The following ANKRD30BL variants were observed in gnomAD, a reference collection of about 807,000 sequenced individuals.
The protein encoded by ANKRD30BL is ankyrin repeat domain 30B like.
In ANKRD30BL, 20 loss-of-function variants were observed where a neutral mutation model predicts 18.4. The ratio of observed to expected loss-of-function variants is 1.09; its 90% confidence interval spans 0.77 to 1.58. The LOEUF is 1.58. Among genes scored for constraint, ANKRD30BL ranks in the 40% most tolerant of loss-of-function variants. The pLI is 0.00. For missense variants in ANKRD30BL, 224 were observed against 268.6 expected, an observed-to-expected ratio of 0.83 and a Z score of 1.16; for synonymous variants, 72 against 100.9, an observed-to-expected ratio of 0.71 and a Z score of 1.72.
chr2:132,253,839 G>C (rs527360800), intron 1 of ANKRD30BL, among the ~76,000 whole-genome samples: 1 of 152,060 alleles, frequency 6.6e-6, no homozygotes, highest in Non-Finnish European at 1.5e-5. Flanking sequence ...CCCTACCCTC[G>C]AGACCCCCTA....
intron 1 of ANKRD30BL, among the ~76,000 whole-genome samples, chr2:132,190,230 T>G (rs1342194534): frequency 6.6e-6 from 1 of 152,112 alleles, no homozygotes; most frequent in African/African-American, 2.4e-5. Context: ...ACATAAGAAC[T>G]CCTTGAAAAA....
intron 1 of ANKRD30BL, among the ~76,000 whole-genome samples, chr2:132,233,864 C>G (rs1015655632): frequency 1.5e-4 from 23 of 151,750 alleles, no homozygotes; most frequent in African/African-American, 5.6e-4. Context: ...ACTCTCCACC[C>G]CAAATCAACA....
chr2:132,254,929 C>G (rs1680781718), intron 1 of ANKRD30BL, among the ~76,000 whole-genome samples: 1 of 152,182 alleles, frequency 6.6e-6, no homozygotes, highest in Non-Finnish European at 1.5e-5. Context: ...CTGTCCGTGT[C>G]CAGGCTGGGT....
At chr2:132,239,797 A>G (rs796362988) in intron 1 of ANKRD30BL, among the ~76,000 whole-genome samples, 1 of 151,852 alleles carries the variant, frequency 6.6e-6, no homozygotes, top group Non-Finnish European at 1.5e-5. Context: ...CCTAGGGTGA[A>G]AAAGGAAATA....
chr2:132,164,681 A>G (rs573080686), upstream of ANKRD30BL, among the ~76,000 whole-genome samples: 1 of 152,328 alleles, frequency 6.6e-6, no homozygotes, highest in East Asian at 1.9e-4. Flanking sequence ...TAGATTTTCT[A>G]TCACATTCTG....
At chr2:132,212,302 C>G (rs2315186) in intron 1 of ANKRD30BL, among the ~76,000 whole-genome samples, 10 of 151,118 alleles carry the variant, frequency 6.6e-5, no homozygotes, top group African/African-American at 2.4e-4. Flanking sequence ...AAATATTTTC[C>G]TATTATAATT....
At chr2:132,148,659 C>A (rs1165749714) in intron 5 of ANKRD30BL, among the ~76,000 whole-genome samples, 1 of 152,016 alleles carries the variant, frequency 6.6e-6, no homozygotes, top group South Asian at 2.1e-4. Context: ...AGTGAGCCAC[C>A]GCTCCTGGAC....
intron 1 of ANKRD30BL, among the ~76,000 whole-genome samples, chr2:132,188,559 A>C (rs991233063): frequency 2.6e-5 from 4 of 152,074 alleles, no homozygotes; most frequent in African/African-American, 9.7e-5. Context: ...AAATACAAAA[A>C]ATTAGCCGGG....
chr2:132,203,382 A>C (rs1679147154), intron 1 of ANKRD30BL, among the ~76,000 whole-genome samples: 1 of 152,230 alleles, frequency 6.6e-6, no homozygotes, highest in Non-Finnish European at 1.5e-5. Context: ...ATAACTAGGG[A>C]GGTAAGCTTG....
chr2:132,231,705 C>T (rs1170924004), intron 1 of ANKRD30BL, among the ~76,000 whole-genome samples: 1 of 152,168 alleles, frequency 6.6e-6, no homozygotes, highest in East Asian at 1.9e-4. Context: ...CGGAGTCTCG[C>T]TGATTGCTAG....
Position 132,161,742 on chromosome 2 carries a change from C to T in ANKRD30BL, c.-37G>A, listed in dbSNP as rs1210714453. 4 of 984,126 alleles carry T rather than the reference C, an allele frequency of 4.1e-6. No individual in the cohort carries two copies. Among genetic ancestry groups the T allele is most frequent in the African/African-American group, 3.2e-5 (2 of 61,944 alleles). The allele number at this position is 984,126 out of a possible 1,614,324, so 61.0% of individuals were successfully genotyped here. A position where few individuals can be genotyped will look rare whatever the true frequency, so the allele number is the denominator to read the frequency against. On this transcript the variant is annotated 5_prime_UTR_variant, in exon 1 of 6. Coordinates refer to ENST00000409867, the MANE Select transcript of ANKRD30BL (RefSeq NM_001358416.1). ...CCTGCTAGAGAGAGCCCGTGCCTCC[C>T]GCTGCTCGCCCTTCCCCAGTCCCCG...
At chr2:132,242,234 T>C (rs1573884272) in intron 1 of ANKRD30BL, among the ~76,000 whole-genome samples, 1 of 151,880 alleles carries the variant, frequency 6.6e-6, no homozygotes, top group African/African-American at 2.4e-5. Flanking sequence ...TCTCAGAAAC[T>C]ACTTTGTGAG....
At chr2:132,182,041 G>A (rs1688473893) in intron 1 of ANKRD30BL, among the ~76,000 whole-genome samples, 1 of 151,644 alleles carries the variant, frequency 6.6e-6, no homozygotes, top group East Asian at 1.9e-4. Context: ...AACCCGGGAG[G>A]TGGAGGAGGT....
intron 1 of ANKRD30BL, among the ~76,000 whole-genome samples, chr2:132,175,170 A>G (rs1224029082): frequency 1.3e-5 from 2 of 150,592 alleles, no homozygotes; most frequent in South Asian, 2.1e-4. Context: ...GACGTGCACC[A>G]GCACCGGACT....
intron 1 of ANKRD30BL, among the ~76,000 whole-genome samples, chr2:132,238,700 G>A (rs1320455222): frequency 6.6e-6 from 1 of 151,770 alleles, no homozygotes; most frequent in African/African-American, 2.4e-5. Context: ...CCTTTCTTTT[G>A]ATAGAGCAGT....
intron 1 of ANKRD30BL, among the ~76,000 whole-genome samples, chr2:132,243,774 A>T (rs77263973): frequency 6.6e-6 from 1 of 151,698 alleles, no homozygotes; most frequent in African/African-American, 2.4e-5. Context: ...AGAAACTTCT[A>T]TGTGATGCTT....
intron 1 of ANKRD30BL, among the ~76,000 whole-genome samples, chr2:132,203,963 T>G (rs1038333787): frequency 5.9e-5 from 9 of 152,172 alleles, no homozygotes; most frequent in Admixed American, 4.6e-4. Flanking sequence ...AATCATTTTA[T>G]GATATATCTG....
chr2:132,166,971 AAT>A (rs1688197959), intron 1 of ANKRD30BL, among the ~76,000 whole-genome samples: 2 of 151,798 alleles, frequency 1.3e-5, no homozygotes, highest in Non-Finnish European at 2.9e-5. Flanking sequence ...CATATATTTT[AAT>A]AAGTTGTGAT....
chr2:132,227,976 C>T (rs1276970057), intron 1 of ANKRD30BL, among the ~76,000 whole-genome samples: 2 of 152,136 alleles, frequency 1.3e-5, no homozygotes, highest in Non-Finnish European at 2.9e-5. Flanking sequence ...TGTGTGCATT[C>T]ATCTCACAGG....
Sources: gnomAD v4.1 joint callset for allele counts (sites outside exome capture counted in the v4.1 genomes callset) on GRCh38, gnomAD v4.1.1 for gene constraint, MANE v1.5 for transcripts, NCBI Gene and HGNC (gene_info 2026-07-23, HGNC 2026-07-21) for gene names.